DNAH6: variants seen among roughly 807,000 people sequenced by gnomAD.
The protein encoded by DNAH6 is dynein axonemal heavy chain 6, also known as axonemal beta dynein heavy chain 6.
A neutral mutation model predicts 491.4 loss-of-function variants in DNAH6; 340 were observed. The ratio of observed to expected loss-of-function variants is 0.69; its 90% confidence interval spans 0.63 to 0.76. The LOEUF is 0.76. Ranked by LOEUF, DNAH6 falls within the 30% of genes least tolerant of loss-of-function variation. The pLI is 0.00. For missense variants in DNAH6, 4,443 were observed against 4,972.2 expected, an observed-to-expected ratio of 0.89 and a Z score of 3.20; for synonymous variants, 1,603 against 1,686.1, an observed-to-expected ratio of 0.95 and a Z score of 1.21.
intron 68 of DNAH6, among the ~76,000 whole-genome samples, chr2:84,789,225 G>T (rs994864649): frequency 6.6e-6 from 1 of 152,160 alleles, no homozygotes; most frequent in Non-Finnish European, 1.5e-5. Context: ...AATTAATCTT[G>T]TTCATGCCCT....
chr2:84,791,693 ATATT>A (rs1306170817), intron 68 of DNAH6, among the ~76,000 whole-genome samples: 1 of 150,260 alleles, frequency 6.7e-6, no homozygotes, highest in Admixed American at 6.6e-5. Flanking sequence ...TTTTCAATAT[ATATT>A]CTTTTATATA....
rs149288724 is a variant in DNAH6, at chr2:84,760,507, T to C, written c.10513-2248T>C. Among the ~76,000 whole-genome samples, 35 of 152,040 alleles carry C rather than the reference T, an allele frequency of 2.3e-4. No individual in the cohort carries two copies. The East Asian group carries it at 5.2e-3, about 23-fold the overall frequency. ...TAAAAAACAGGCAAAGGGACATAAA[T>C]AGACATTTTTCAAAAGACATACAAA... On this transcript the variant is annotated intron_variant, in intron 63 of 76. Coordinates refer to ENST00000389394, the MANE Select transcript of DNAH6 (RefSeq NM_001370.2).
At chr2:84,592,024 C>T (rs1252565812) in intron 16 of DNAH6, among the ~76,000 whole-genome samples, 1 of 152,102 alleles carries the variant, frequency 6.6e-6, no homozygotes, top group African/African-American at 2.4e-5. Context: ...ATGACATTGG[C>T]CTTGGCTATG....
intron 63 of DNAH6, among the ~76,000 whole-genome samples, chr2:84,747,523 C>T (rs938812370): frequency 6.6e-6 from 1 of 152,208 alleles, no homozygotes; most frequent in Non-Finnish European, 1.5e-5. Flanking sequence ...TAAGCCCTGT[C>T]CCCATGGCCT....
intron 68 of DNAH6, among the ~76,000 whole-genome samples, chr2:84,789,991 T>C (rs1339015840): frequency 6.6e-6 from 1 of 152,214 alleles, no homozygotes; most frequent in Non-Finnish European, 1.5e-5. Context: ...GCTGGTATCA[T>C]TGCTTACAAA....
At chr2:84,506,572 C>A in the DNAH6 span, among the ~76,000 whole-genome samples, 1 of 152,208 alleles carries the variant, frequency 6.6e-6, no homozygotes, top group Admixed American at 6.5e-5. Flanking sequence ...CTTTAGTTTA[C>A]TTAGATCTCA....
At chr2:84,589,005 C>A in intron 16 of DNAH6, 51 bp downstream of exon 16, 2 of 1,463,468 alleles carry the variant, frequency 1.4e-6, no homozygotes, top group Non-Finnish European at 1.8e-6. Context: ...ATAGAAATGG[C>A]GTATATGCAC....
At chr2:84,611,988 G>T in intron 22 of DNAH6, 134 bp downstream of exon 22, 2 of 678,560 alleles carry the variant, frequency 2.9e-6, no homozygotes, top group Non-Finnish European at 4.7e-6. Context: ...TAGTCAGCAT[G>T]GATGACTAGG....
intron 18 of DNAH6, among the ~76,000 whole-genome samples, chr2:84,604,056 T>C (rs977436414): frequency 6.6e-6 from 1 of 152,212 alleles, no homozygotes; most frequent in Non-Finnish European, 1.5e-5. Flanking sequence ...TCCCAAGGAA[T>C]CTGCCCCAGG....
intron 46 of DNAH6, 128 bp downstream of exon 46, chr2:84,694,608 G>C: frequency 1.6e-6 from 1 of 633,176 alleles, no homozygotes; most frequent in Non-Finnish European, 2.7e-6. Context: ...ATTTCCTGCA[G>C]CTTGTAAAAG....
intron 3 of DNAH6, 121 bp from the exon 4 acceptor site, chr2:84,528,782 GC>G (rs1676848966): frequency 4.2e-6 from 4 of 961,202 alleles, no homozygotes; most frequent in Non-Finnish European, 6.0e-6. Flanking sequence ...CAAAATGCTT[GC>G]CTTTGAGCCC....
chr2:84,724,666 A>C (rs906007344), intron 60 of DNAH6, among the ~76,000 whole-genome samples: 2 of 152,164 alleles, frequency 1.3e-5, no homozygotes, highest in African/African-American at 4.8e-5. Context: ...ACTGGAATGA[A>C]CATCCAAAAT....
At chr2:84,620,174 A>G (rs1036305131) in intron 24 of DNAH6, among the ~76,000 whole-genome samples, 2 of 152,188 alleles carry the variant, frequency 1.3e-5, no homozygotes, top group African/African-American at 4.8e-5. Context: ...TTAACTCTCC[A>G]CAAGAGGCAC....
At chr2:84,765,930 T>C (rs1317494252) in intron 64 of DNAH6, among the ~76,000 whole-genome samples, 1 of 152,104 alleles carries the variant, frequency 6.6e-6, no homozygotes, top group Non-Finnish European at 1.5e-5. Flanking sequence ...TTCCAATGTA[T>C]ATCACAAAAC....
At chr2:84,636,330 G>A in intron 30 of DNAH6, among the ~76,000 whole-genome samples, 1 of 152,128 alleles carries the variant, frequency 6.6e-6, no homozygotes, top group East Asian at 1.9e-4. Context: ...CCTTTTCCTG[G>A]AATGGCTGCC....
intron 37 of DNAH6, among the ~76,000 whole-genome samples, chr2:84,664,035 G>A (rs1691811796): frequency 6.6e-6 from 1 of 152,114 alleles, no homozygotes; most frequent in Non-Finnish European, 1.5e-5. Flanking sequence ...ATCCTTTACA[G>A]ACAAGCAAAT....
intron 36 of DNAH6, 55 bp downstream of exon 36, chr2:84,658,529 G>T: frequency 8.0e-7 from 1 of 1,243,486 alleles, no homozygotes; most frequent in Non-Finnish European, 1.1e-6. Flanking sequence ...TATTGTATAA[G>T]TTCTTTGCAA....
At chr2:84,612,129 T>C (rs1686403936) in intron 22 of DNAH6, among the ~76,000 whole-genome samples, 1 of 152,076 alleles carries the variant, frequency 6.6e-6, no homozygotes, top group African/African-American at 2.4e-5. Flanking sequence ...GTTTTTATGA[T>C]TGGGGGATGT....
At chr2:84,673,080 AG>A (rs1397101266) in intron 40 of DNAH6, among the ~76,000 whole-genome samples, 6 of 152,070 alleles carry the variant, frequency 3.9e-5, no homozygotes, top group Non-Finnish European at 7.4e-5. Flanking sequence ...GGAGGGATTC[AG>A]GGGTGGGGCT....
Sources: gnomAD v4.1 joint callset for allele counts (sites outside exome capture counted in the v4.1 genomes callset) on GRCh38, gnomAD v4.1.1 for gene constraint, MANE v1.5 for transcripts, NCBI Gene and HGNC (gene_info 2026-07-23, HGNC 2026-07-21) for gene names.